The following UFL1 variants were observed in gnomAD, a reference collection of about 807,000 sequenced individuals.
The protein encoded by UFL1 is E3 UFM1-protein ligase 1.
Under a neutral mutation model 99.3 loss-of-function variants are expected in UFL1, and 78 were observed. The ratio of observed to expected loss-of-function variants is 0.79; its 90% CI spans 0.65 to 0.95. The LOEUF is 0.95. Ranked by LOEUF, UFL1 falls within the 40% of genes least tolerant of loss-of-function variation. UFL1 has a pLI of 0.00. For missense variants in UFL1, 936 were observed against 937.0 expected, an observed-to-expected ratio of 1.00 and a Z score of 0.01; for synonymous variants, 335 against 322.2, an observed-to-expected ratio of 1.04 and a Z score of -0.42.
chr6:96,539,660 T>C (rs1217932048), intron 10 of UFL1, among the ~76,000 whole-genome samples: 1 of 151,586 alleles, frequency 6.6e-6, no homozygotes, highest in African/African-American at 2.4e-5. Context: ...AGGATCATGA[T>C]ACCTACTATG....
chr6:96,537,898 A>G (rs1183028299), intron 9 of UFL1, among the ~76,000 whole-genome samples: 1 of 151,964 alleles, frequency 6.6e-6, no homozygotes, highest in East Asian at 1.9e-4. Context: ...TTATCCATTA[A>G]TCTCTGCTAA....
chr6:96,536,438 C>T (rs762077008), intron 8 of UFL1, 48 bp downstream of exon 8: 2 of 1,481,492 alleles, frequency 1.3e-6, no homozygotes, highest in South Asian at 2.5e-5. Flanking sequence ...TAACACTAAA[C>T]TCATTCTTTA....
chr6:96,549,500 A>G lies in UFL1; in HGVS notation c.1609A>G (p.Ile537Val), dbSNP rs749425862. The G allele has an allele frequency of 7.5e-6, 12 of 1,592,500 alleles. No homozygotes were observed. The South Asian group carries it at 1.0e-4, about 14-fold the overall frequency. Residue 537 changes from isoleucine to valine, a missense_variant, in exon 14 of 19, where the codon ATC (isoleucine) becomes GTC (valine). Transcript: ENST00000369278. ...SASGTGRKRT[I>V]KDLQEEVSNL... Reference sequence around the variant, plus strand: ...TTCTGGGACGGGCAGAAAACGCACAATCAAGGACTTGCAAGAAGAAGTTTC... The same window carrying G: ...TTCTGGGACGGGCAGAAAACGCACAGTCAAGGACTTGCAAGAAGAAGTTTC...
At chr6:96,547,781 A>G (rs973584662) in intron 12 of UFL1, among the ~76,000 whole-genome samples, 28 of 151,198 alleles carry the variant, frequency 1.9e-4, no homozygotes, top group Non-Finnish European at 2.1e-4. Flanking sequence ...ATGGAAAATA[A>G]TAGAAGAACT....
chr6:96,543,909 A>G (rs1021644043), intron 12 of UFL1, among the ~76,000 whole-genome samples: 2 of 151,268 alleles, frequency 1.3e-5, no homozygotes, highest in South Asian at 4.1e-4. Flanking sequence ...AAAATACAGC[A>G]TATTAAATTA....
intron 18 of UFL1, 81 bp from the exon 19 acceptor site, chr6:96,553,204 G>A: frequency 7.6e-7 from 1 of 1,318,122 alleles, no homozygotes; most frequent in East Asian, 2.4e-5. Context: ...CCTTCAATGT[G>A]TATTAGTTGA....
rs538197048 is a variant in UFL1 at position 96,541,435 on chromosome 6, A to G, written c.1279+780A>G. ...AGTAACATGTATTTCCATAGTTTTTATAGTAGGAACAGTGCTGTTAGTGCT... is the reference window on the plus strand; with the variant it reads ...AGTAACATGTATTTCCATAGTTTTTGTAGTAGGAACAGTGCTGTTAGTGCT... On this transcript the variant is annotated intron_variant, in intron 11 of 18. Transcript: ENST00000369278. Among the ~76,000 whole-genome samples, 8 of 151,572 alleles carry G rather than the reference A, an allele frequency of 5.3e-5. No individual in the cohort carries two copies. The East Asian group carries it at 5.8e-4, about 11-fold the overall frequency.
chr6:96,529,618 G>A (rs949180877), intron 6 of UFL1, among the ~76,000 whole-genome samples: 1 of 151,746 alleles, frequency 6.6e-6, no homozygotes, highest in African/African-American at 2.4e-5. Flanking sequence ...TCTCTCTTTT[G>A]GCTGCATCTT....
Position 96,553,304 on chromosome 6 carries a change from TA to T in UFL1, c.2189del (p.Lys730SerfsTer7). On this transcript the variant is annotated frameshift_variant, in exon 19 of 19. Transcript: ENST00000369278. LOFTEE classifies it high-confidence loss of function. Reference protein sequence around the residue: ...KIPEDQHALLVKYQGLVVKQL... With the variant: ...KIPEDQHALLXKYQGLVVKQL... ...TCACAGGATCAGCATGCTCTTTTGG[TA>T]AAGTATCAAGGTTTGGTTGTAAAGC... is the stretch of plus-strand genomic sequence containing the variant. 6.2e-7 allele frequency: 1 copy of T among 1,613,362 alleles called. No individual in the cohort carries two copies. The highest frequency in any genetic ancestry group is 8.5e-7 in the Non-Finnish European group (1 of 1,179,660).
chr6:96,553,562 G>A lies in UFL1; in HGVS notation c.*59G>A. 7 of 1,505,234 alleles carry A rather than the reference G, an allele frequency of 4.7e-6. No homozygotes were observed. Among genetic ancestry groups the A allele is most frequent in the Non-Finnish European group, 6.3e-6 (7 of 1,109,890 alleles). The allele number at this position is 1,505,234 out of a possible 1,614,324, so 93.2% of individuals were successfully genotyped here. On this transcript the variant is annotated 3_prime_UTR_variant, in exon 19 of 19. Transcript: ENST00000369278. ...TTTTCCCCCAAGGTTGAAGGTGAGT[G>A]GTCACAAAAAAGTAGTCACTATACA...
chr6:96,521,817 C>T lies in UFL1; in HGVS notation c.-57C>T. The T allele has an allele frequency of 3.2e-6, 5 of 1,558,822 alleles. No individual in the cohort carries two copies. The highest frequency in any genetic ancestry group is 3.7e-5 in the Admixed American group (2 of 53,342). On this transcript the variant is annotated 5_prime_UTR_variant, in exon 1 of 19. Coordinates refer to ENST00000369278, the MANE Select transcript of UFL1 (RefSeq NM_015323.5). Reference sequence around the variant, plus strand: ...GGCCCGTTCCGCCTCTCTTCTCCCACCGCCTGTCGGCTGACGTGTCTGCAG... The same window carrying T: ...GGCCCGTTCCGCCTCTCTTCTCCCATCGCCTGTCGGCTGACGTGTCTGCAG...
chr6:96,550,396 C>G (rs1021847152), intron 15 of UFL1, among the ~76,000 whole-genome samples: 1 of 151,836 alleles, frequency 6.6e-6, no homozygotes, highest in Non-Finnish European at 1.5e-5. Flanking sequence ...CCTCACCTCT[C>G]TAGGTCCACT....
Position 96,548,222 on chromosome 6 carries a change from A to G in UFL1, c.1461A>G (p.Arg487=). Residue 487 remains arginine, a synonymous_variant, in exon 13 of 19, where the codon AGA becomes AGG. Transcript: ENST00000369278. ...MFQDEIEDFL[R]KHIQDAPEEF... Reference sequence around the variant, plus strand: ...AGGATGAGATTGAAGATTTTTTAAGAAAACACATACAAGATGCCCCTGAGG... The same window carrying G: ...AGGATGAGATTGAAGATTTTTTAAGGAAACACATACAAGATGCCCCTGAGG... The G allele has an allele frequency of 6.2e-7, 1 of 1,608,352 alleles. No homozygotes were observed. The highest frequency in any genetic ancestry group is 8.5e-7 in the Non-Finnish European group (1 of 1,177,046).
Position 96,537,438 on chromosome 6 carries a change from G to T in UFL1, c.867G>T (p.Lys289Asn). Reference sequence around the variant, plus strand: ...TAAGCTACATAAAGAAAAGATATAAGACTACACAACTCTTGTTTTTGAAAG... The same window carrying T: ...TAAGCTACATAAAGAAAAGATATAATACTACACAACTCTTGTTTTTGAAAG... ...DAVSYIKKRYKTTQLLFLKAA... is the reference protein window; with the variant it reads ...DAVSYIKKRYNTTQLLFLKAA... The change falls in exon 9 of 19, where the codon AAG becomes AAT. Residue 289 changes from lysine (K) to asparagine (N), a missense_variant. Physicochemically the swap from Lys to Asn is moderately conservative, Grantham distance 94. Coordinates refer to ENST00000369278, the MANE Select transcript of UFL1 (RefSeq NM_015323.5). 6.2e-7 allele frequency: 1 copy of T among 1,609,164 alleles called. No individual in the cohort carries two copies. Among genetic ancestry groups the T allele is most frequent in the Non-Finnish European group, 8.5e-7 (1 of 1,177,558 alleles).
chr6:96,523,387 A>G, intron 2 of UFL1, 96 bp downstream of exon 2: 1 of 1,277,836 alleles, frequency 7.8e-7, no homozygotes, highest in Non-Finnish European at 1.1e-6. Flanking sequence ...ATACTAAATT[A>G]TAGATTGTAA....
In UFL1 at chr6:96,542,885, T is replaced by C. The variant is rs371344091; in HGVS notation, c.1280-9T>C. The C allele has an allele frequency of 3.2e-6, 5 of 1,559,076 alleles. No homozygotes were observed. Among genetic ancestry groups the C allele is most frequent in the African/African-American group, 2.8e-5 (2 of 71,298 alleles). On this transcript the variant is annotated splice_polypyrimidine_tract_variant and intron_variant, in intron 11 of 18. Transcript: ENST00000369278. ...TAGGTAATGCTAACTAATGTCATTT[T>C]CCCACCAGAGGGCAGTGGAAGCATG...
chr6:96,551,197 C>T (rs1329867421), intron 15 of UFL1, among the ~76,000 whole-genome samples: 1 of 151,938 alleles, frequency 6.6e-6, no homozygotes, highest in Non-Finnish European at 1.5e-5. Flanking sequence ...GTCAACGACT[C>T]TCTCTAGTCT....
chr6:96,523,016 C>A, intron 1 of UFL1, 130 bp from the exon 2 acceptor site: 2 of 794,870 alleles, frequency 2.5e-6, no homozygotes, highest in Non-Finnish European at 3.7e-6. Flanking sequence ...GTGAAAAATA[C>A]AGATATTGTG....
chr6:96,525,193 T>G, intron 3 of UFL1, 104 bp from the exon 4 acceptor site: 1 of 879,624 alleles, frequency 1.1e-6, no homozygotes, highest in Non-Finnish European at 1.7e-6. Flanking sequence ...TGAGCCACCA[T>G]GCCTGGCCGG....
Sources: allele counts gnomAD v4.1 joint callset (sites outside exome capture counted in the v4.1 genomes callset), GRCh38; gene constraint gnomAD v4.1.1; transcripts MANE v1.5; gene names NCBI Gene and HGNC (gene_info 2026-07-23, HGNC 2026-07-21).